CDCP2: variants seen among roughly 807,000 people sequenced by gnomAD.
CDCP2 encodes the protein CUB domain containing protein 2, also known as CUB domain-containing protein 2.
A neutral mutation model predicts 31.0 loss-of-function variants in CDCP2; 31 were observed. The observed-to-expected ratio is 1.00, with a 90% confidence interval of 0.75 to 1.35. The LOEUF (loss-of-function observed/expected upper bound fraction) is 1.35, where lower values mean the gene tolerates loss of function less well. Ranked by LOEUF, CDCP2 falls within the 40% of genes most tolerant of loss-of-function variation. CDCP2 has a pLI of 0.00. For synonymous variants in CDCP2, 206 were observed against 207.9 expected (o/e 0.99, Z 0.08); for missense variants, 443 against 482.6 (o/e 0.92, Z 0.77).
chr1:54,133,310 G>GTA lies in CDCP2; in HGVS notation c.1297-18_1297-17dup, dbSNP rs1245722625. ...TGTTTCTTCTCTGTGGGGTCACAGG[G>GTA]TACTCATCACACCTGAAGGAGCTTG... is the stretch of plus-strand genomic sequence containing the variant. On this transcript the variant is annotated splice_polypyrimidine_tract_variant and intron_variant, in intron 5 of 5. Transcript: ENST00000530059. 7.5e-6 allele frequency: 3 copies of GTA among 398,940 alleles called. No individual in the cohort carries two copies. The Admixed American group carries it at 1.3e-4, about 18-fold the overall frequency. The allele number at this position is 398,940 out of a possible 1,614,324, so 24.7% of individuals were successfully genotyped here.
intron 4 of CDCP2, chr1:54,138,805 C>T (rs535894890): frequency 1.3e-5 from 2 of 152,434 alleles, no homozygotes; most frequent in Middle Eastern, 6.7e-3. Flanking sequence ...TATGTGGTCA[C>T]AATGAAGTCT....
intron 1 of CDCP2, among the ~76,000 whole-genome samples, chr1:54,150,017 G>A (rs1180296118): frequency 6.6e-6 from 1 of 152,166 alleles, no homozygotes; most frequent in Non-Finnish European, 1.5e-5. Flanking sequence ...CCCTCTTTTA[G>A]ACACTGCTCC....
At chr1:54,146,863 C>T (rs1209740655) in intron 1 of CDCP2, among the ~76,000 whole-genome samples, 2 of 151,554 alleles carry the variant, frequency 1.3e-5, no homozygotes, top group Non-Finnish European at 2.9e-5. Flanking sequence ...ATCGTTTGAG[C>T]TCACCAGTTC....
intron 1 of CDCP2, among the ~76,000 whole-genome samples, chr1:54,148,325 G>A (rs1461361626): frequency 6.8e-6 from 1 of 147,560 alleles, no homozygotes; most frequent in Non-Finnish European, 1.5e-5. Context: ...TTCAAGACCA[G>A]CCTAGGCATA....
intron 1 of CDCP2, among the ~76,000 whole-genome samples, chr1:54,148,272 C>T (rs994497343): frequency 1.3e-5 from 2 of 150,386 alleles, no homozygotes; most frequent in Non-Finnish European, 2.9e-5. Flanking sequence ...GTGTCCTCAG[C>T]ACTTTGGGAG....
At chr1:54,146,952 T>G (rs1038771132) in intron 1 of CDCP2, among the ~76,000 whole-genome samples, 7 of 151,348 alleles carry the variant, frequency 4.6e-5, no homozygotes, top group African/African-American at 1.7e-4. Flanking sequence ...GGTGCACGCC[T>G]GTAATCCCAG....
intron 4 of CDCP2, among the ~76,000 whole-genome samples, chr1:54,137,220 A>T (rs1186913553): frequency 6.6e-6 from 1 of 152,206 alleles, no homozygotes; most frequent in Non-Finnish European, 1.5e-5. Flanking sequence ...TATTCTCAGC[A>T]CCACAAATAC....
In CDCP2 at chr1:54,132,977, C is replaced by CATCAAGACCACGATGGCA. The variant is rs1553173156; in HGVS notation, c.1596_1613dup (p.Ile532_Leu537dup). 1.3e-5 allele frequency: 5 copies of CATCAAGACCACGATGGCA among 398,884 alleles called. No homozygotes were observed. In the Admixed American group the frequency reaches 1.8e-4, roughly 14 times the overall value. 24.7% of individuals were successfully genotyped at this position (398,884 alleles called of 1,614,324 possible). On this transcript the variant is annotated inframe_insertion, in exon 6 of 6. Transcript: ENST00000530059. ...TCCCTATGCTGTCTATTCAAAGCAG[C>CATCAAGACCACGATGGCA]ATCAAGACCACGATGGCAATAACCA...
chr1:54,134,320 C>T (rs2100417547), intron 5 of CDCP2, among the ~76,000 whole-genome samples: 1 of 152,326 alleles, frequency 6.6e-6, no homozygotes, highest in East Asian at 1.9e-4. Context: ...GGGACAGCAG[C>T]CTAGTGTTGG....
chr1:54,146,248 C>A (rs1659467371), intron 1 of CDCP2, among the ~76,000 whole-genome samples: 1 of 150,784 alleles, frequency 6.6e-6, no homozygotes, highest in African/African-American at 2.5e-5. Flanking sequence ...GGCACTATCT[C>A]AGCTCACTGC....
At chr1:54,136,835 G>C (rs752501517) in intron 4 of CDCP2, 27 bp from the exon 5 acceptor site, 108 of 399,106 alleles carry the variant, frequency 2.7e-4, no homozygotes, top group Non-Finnish European at 4.2e-4. Flanking sequence ...GGAGCTGGAA[G>C]CCTTAGGGTC....
intron 1 of CDCP2, among the ~76,000 whole-genome samples, chr1:54,145,747 G>C (rs1023104253): frequency 6.6e-6 from 1 of 152,144 alleles, no homozygotes; most frequent in Non-Finnish European, 1.5e-5. Context: ...TCTCTGTCAG[G>C]GGAAGTAGTA....
At chr1:54,140,271 A>G (rs933409142) in intron 3 of CDCP2, 165 bp from the exon 4 acceptor site, 1 of 630,848 alleles carries the variant, frequency 1.6e-6, no homozygotes, top group Non-Finnish European at 2.8e-6. Context: ...ACTATCTGAA[A>G]GTTGGGATGC....
chr1:54,151,853 T>G (rs1022938049), intron 1 of CDCP2, among the ~76,000 whole-genome samples: 1 of 151,946 alleles, frequency 6.6e-6, no homozygotes, highest in East Asian at 1.9e-4. Context: ...TGATGGAGGA[T>G]GTGGAAGGCC....
chr1:54,141,134 T>C lies in CDCP2; in HGVS notation c.727A>G (p.Ile243Val), dbSNP rs532848219. ...TAGGCCTTGAAGCCACGGCCTCCGATGTTGAAGTCGGACTTGAAGACCACC... is the reference window on the plus strand; with the variant it reads ...TAGGCCTTGAAGCCACGGCCTCCGACGTTGAAGTCGGACTTGAAGACCACC... The change falls in exon 3 of 6, where the codon ATC becomes GTC. Residue 243 changes from isoleucine (I) to valine (V), a missense_variant. Coordinates refer to ENST00000530059, the Ensembl canonical transcript of CDCP2. The C allele has an allele frequency of 6.7e-4, 1,037 of 1,542,226 alleles. 22 individuals are homozygous for C. In the South Asian group the frequency reaches 0.012, roughly 18 times the overall value.
intron 2 of CDCP2, chr1:54,142,912 T>C (rs1405564804): frequency 6.6e-6 from 1 of 152,252 alleles, no homozygotes; most frequent in Non-Finnish European, 1.5e-5. Context: ...AATGAAAAGA[T>C]AGCACCCACA....
At chr1:54,136,757 G>T in exon 5 of CDCP2, 1 of 399,158 alleles carries the variant, frequency 2.5e-6, no homozygotes, top group Non-Finnish European at 4.4e-6. Context: ...CGCCTGCGTG[G>T]AGATCAGGAT....
chr1:54,148,699 CA>C (rs1659518065), intron 1 of CDCP2, among the ~76,000 whole-genome samples: 1 of 151,180 alleles, frequency 6.6e-6, no homozygotes, highest in Non-Finnish European at 1.5e-5. Flanking sequence ...GCTTCAACAA[CA>C]AAAGATAAAG....
chr1:54,134,529 C>CTTCTTCAGGGTTTTCTTCAGGTT (rs1659225115), intron 5 of CDCP2, among the ~76,000 whole-genome samples: 1 of 152,200 alleles, frequency 6.6e-6, no homozygotes, highest in Admixed American at 6.5e-5. Flanking sequence ...CAGCCACTGC[C>CTTCTTCAGGGTTTTCTTCAGGTT]TTCTTCAGGG....
Sources: gnomAD v4.1 joint callset for allele counts (sites outside exome capture counted in the v4.1 genomes callset) on GRCh38, gnomAD v4.1.1 for gene constraint, MANE v1.5 for transcripts, NCBI Gene and HGNC (gene_info 2026-07-23, HGNC 2026-07-21) for gene names.